INTS15: variants seen among roughly 807,000 people sequenced by gnomAD.
The protein encoded by INTS15 is integrator complex subunit 15.
At chr7:6,597,819 C>T in the INTS15 span, among the ~76,000 whole-genome samples, 3 of 152,320 alleles carry the variant, frequency 2.0e-5, no homozygotes, top group East Asian at 1.9e-4. Context: ...AGTCACCATC[C>T]GAATGGTGAC....
At chr7:6,595,142 C>T in the INTS15 span, among the ~76,000 whole-genome samples, 1 of 152,190 alleles carries the variant, frequency 6.6e-6, no homozygotes, top group Admixed American at 6.6e-5. Context: ...AGTGTTTCTC[C>T]TGCCTCAGCC....
At chr7:6,608,033 C>G in the INTS15 span, 5 of 1,599,842 alleles carry the variant, frequency 3.1e-6, no homozygotes, top group Non-Finnish European at 2.5e-6. Flanking sequence ...GTTCTACCCC[C>G]ACATCCACAC....
At chr7:6,596,855 T>G in the INTS15 span, among the ~76,000 whole-genome samples, 1 of 152,036 alleles carries the variant, frequency 6.6e-6, no homozygotes, top group African/African-American at 2.4e-5. Flanking sequence ...CGATCTCGAC[T>G]CAACTGCAAG....
At chr7:6,594,755 CTG>C in the INTS15 span, among the ~76,000 whole-genome samples, 1 of 151,972 alleles carries the variant, frequency 6.6e-6, no homozygotes, top group Non-Finnish European at 1.5e-5. Flanking sequence ...GAGATGGAGT[CTG>C]TTGCCCAGGC....
At chr7:6,591,415 C>T in the INTS15 span, among the ~76,000 whole-genome samples, 80 of 150,242 alleles carry the variant, frequency 5.3e-4, no homozygotes, top group Non-Finnish European at 9.7e-4. Context: ...TACAGGTGCG[C>T]GCCACCATGC....
the INTS15 span, among the ~76,000 whole-genome samples, chr7:6,596,463 C>G: frequency 6.8e-6 from 1 of 146,958 alleles, no homozygotes; most frequent in Admixed American, 7.0e-5. Context: ...ACCACAACCT[C>G]TGCCTCCTGG....
At chr7:6,593,370 G>A in the INTS15 span, among the ~76,000 whole-genome samples, 2 of 139,380 alleles carry the variant, frequency 1.4e-5, no homozygotes, top group African/African-American at 2.8e-5. Context: ...TTTCTCTGTC[G>A]CCCAAGCTGG....
the INTS15 span, among the ~76,000 whole-genome samples, chr7:6,598,785 G>GTGTGTGTGTGTT: frequency 3.5e-5 from 3 of 86,564 alleles, no homozygotes; most frequent in South Asian, 3.4e-4. Flanking sequence ...GTGTGTGTGT[G>GTGTGTGTGTGTT]TATTTTTTTT....
chr7:6,602,484 A>G, the INTS15 span, among the ~76,000 whole-genome samples: 2 of 152,170 alleles, frequency 1.3e-5, no homozygotes, highest in African/African-American at 4.8e-5. Flanking sequence ...CCACAGCCCT[A>G]CAGCACTGTA....
At chr7:6,606,283 C>G in the INTS15 span, among the ~76,000 whole-genome samples, 1 of 152,224 alleles carries the variant, frequency 6.6e-6, no homozygotes, top group Non-Finnish European at 1.5e-5. Context: ...TGTTTACTGC[C>G]TCAGCCCCTC....
At chr7:6,592,454 C>T in the INTS15 span, among the ~76,000 whole-genome samples, 1 of 151,366 alleles carries the variant, frequency 6.6e-6, no homozygotes. Context: ...GTGGTCCCAG[C>T]TACTTGGGAG....
the INTS15 span, chr7:6,590,361 C>A: frequency 1.1e-5 from 18 of 1,606,828 alleles, no homozygotes; most frequent in East Asian, 2.9e-4. Context: ...ACCTGGACAT[C>A]TACTTCAGCA....
the INTS15 span, among the ~76,000 whole-genome samples, chr7:6,594,775 C>T: frequency 2.0e-5 from 3 of 152,180 alleles, no homozygotes; most frequent in East Asian, 5.8e-4. Flanking sequence ...GGCTGGAGTG[C>T]AGTGGTGTTA....
the INTS15 span, chr7:6,607,400 C>T: frequency 6.0e-6 from 3 of 501,226 alleles, no homozygotes; most frequent in South Asian, 1.8e-5. This position sits in a 1 kb window ranked among gnomAD's most constrained non-coding sequence, Gnocchi z 6.0. Flanking sequence ...GGGGTGGGTG[C>T]CCAAGAGTGG....
chr7:6,600,247 G>C, the INTS15 span: 3 of 1,614,080 alleles, frequency 1.9e-6, no homozygotes, highest in African/African-American at 1.3e-5. Flanking sequence ...ACAGGTTGGC[G>C]GATGAACTGA....
chr7:6,590,341 G>A, the INTS15 span: 1 of 1,603,230 alleles, frequency 6.2e-7, no homozygotes, highest in Non-Finnish European at 8.5e-7. Context: ...CGCCAAGGAG[G>A]TGTTGTACCA....
At chr7:6,606,766 A>T in the INTS15 span, among the ~76,000 whole-genome samples, 1 of 149,336 alleles carries the variant, frequency 6.7e-6, no homozygotes, top group African/African-American at 2.5e-5. Context: ...TGGCACAATC[A>T]TGGCTCATGG....
At chr7:6,590,425 C>G in the INTS15 span, 3 of 1,602,978 alleles carry the variant, frequency 1.9e-6, no homozygotes, top group African/African-American at 2.7e-5. Context: ...CGTGGAGCTG[C>G]TGGAGGAGTT....
At chr7:6,601,120 CCA>C in the INTS15 span, among the ~76,000 whole-genome samples, 2 of 151,986 alleles carry the variant, frequency 1.3e-5, no homozygotes, top group African/African-American at 4.8e-5. Flanking sequence ...GTGTGTACCA[CCA>C]CACCCAGCTA....
Sources: allele counts gnomAD v4.1 joint callset (sites outside exome capture counted in the v4.1 genomes callset), GRCh38; gene constraint gnomAD v4.1.1; non-coding constraint Gnocchi (gnomAD v3.1); transcripts MANE v1.5; gene names NCBI Gene and HGNC (gene_info 2026-07-23, HGNC 2026-07-21).